Variants in CASQ2 observed in about 807,000 individuals in gnomAD.
CASQ2 encodes the protein calsequestrin-2.
In CASQ2, 49 loss-of-function variants were observed where a neutral mutation model predicts 46.5. The ratio of observed to expected loss-of-function variants is 1.05; its 90% CI spans 0.84 to 1.34. CASQ2 has a LOEUF of 1.34. CASQ2 is among the 40% of genes most tolerant of loss of function. The pLI is 0.00. For synonymous variants in CASQ2, 174 were observed against 168.5 expected, an observed-to-expected ratio of 1.03 and a Z score of -0.25; for missense variants, 486 against 481.3, an observed-to-expected ratio of 1.01 and a Z score of -0.09.
rs200083616 is a variant in CASQ2 at position 115,729,338 on chromosome 1, C to A, written c.607-2216G>T. 2.6e-5 allele frequency among the ~76,000 whole-genome samples: 4 copies of A among 152,116 alleles called. No individual in the cohort carries two copies. The East Asian group carries it at 5.8e-4, about 22-fold the overall frequency. ...AAAGTGCTGGGATTACAGGCGTGAG[C>A]CACTGCGCCCGACCCCCTCTTTCAT... On this transcript the variant is annotated intron_variant, in intron 5 of 10. Coordinates refer to ENST00000261448, the MANE Select transcript of CASQ2 (RefSeq NM_001232.4).
At chr1:115,761,405 G>T (rs190175707) in intron 1 of CASQ2, among the ~76,000 whole-genome samples, 12 of 4,942 alleles carry the variant, frequency 2.4e-3, no homozygotes, top group Non-Finnish European at 9.9e-4. Flanking sequence ...AAAAAAAAAA[G>T]AAGAAGAAGA....
intron 2 of CASQ2, among the ~76,000 whole-genome samples, chr1:115,742,086 C>T (rs997674466): frequency 2.0e-5 from 3 of 152,078 alleles, no homozygotes; most frequent in Non-Finnish European, 4.4e-5. Context: ...TTTCCTTTGT[C>T]ACCCAGGCTG....
intron 1 of CASQ2, among the ~76,000 whole-genome samples, chr1:115,752,221 T>C (rs1045078871): frequency 2.0e-5 from 3 of 152,206 alleles, no homozygotes; most frequent in Admixed American, 6.5e-5. Flanking sequence ...AATTTTTCCC[T>C]TTTTACCCTT....
At chr1:115,748,888 A>G (rs1648479008) in intron 1 of CASQ2, among the ~76,000 whole-genome samples, 1 of 152,096 alleles carries the variant, frequency 6.6e-6, no homozygotes, top group African/African-American at 2.4e-5. Context: ...TGGTTCTTAA[A>G]CTTCAGTGTG....
chr1:115,723,299 A>C (rs1173077016), intron 7 of CASQ2, among the ~76,000 whole-genome samples: 2 of 135,606 alleles, frequency 1.5e-5, no homozygotes, highest in Admixed American at 1.5e-4. Context: ...CTCTATATCT[A>C]TCTATTTATC....
intron 7 of CASQ2, among the ~76,000 whole-genome samples, chr1:115,720,517 A>C (rs1159111083): frequency 6.6e-6 from 1 of 152,110 alleles, no homozygotes; most frequent in Non-Finnish European, 1.5e-5. Flanking sequence ...CTTTCTCACC[A>C]CCACCAGCAG....
intron 3 of CASQ2, among the ~76,000 whole-genome samples, chr1:115,739,374 C>A (rs1376141020): frequency 6.6e-6 from 1 of 152,018 alleles, no homozygotes; most frequent in Non-Finnish European, 1.5e-5. Context: ...CTTGGCCTCC[C>A]AAAGTGCTGG....
intron 4 of CASQ2, among the ~76,000 whole-genome samples, chr1:115,735,714 T>A (rs1465813310): frequency 6.6e-6 from 1 of 152,176 alleles, no homozygotes; most frequent in African/African-American, 2.4e-5. Context: ...TCCTTTCAAA[T>A]TCATTCAAAT....
intron 7 of CASQ2, among the ~76,000 whole-genome samples, 178 bp downstream of exon 7, chr1:115,725,330 G>T (rs1355434881): frequency 1.3e-5 from 2 of 152,060 alleles, no homozygotes; most frequent in Non-Finnish European, 2.9e-5. Context: ...GCCTCCCAGA[G>T]TGCTGGGATT....
intron 1 of CASQ2, among the ~76,000 whole-genome samples, chr1:115,761,721 G>A (rs536720757): frequency 6.6e-6 from 1 of 151,998 alleles, no homozygotes; most frequent in East Asian, 2.0e-4. Flanking sequence ...GAAGCATCAA[G>A]AGATCCACTA....
rs6667224 is a variant in CASQ2, at chr1:115,703,188, C to T, written c.940-193G>A. ...AATAAGCATTAAATAAAAGATGACA[C>T]AGCATAAATTATGGAAACATGTGTC... On this transcript the variant is annotated intron_variant, in intron 9 of 10. Transcript: ENST00000261448. 0.57 allele frequency among the ~76,000 whole-genome samples: 86,910 copies of T among 152,066 alleles called. 25,264 individuals carry two copies. The highest frequency in any genetic ancestry group is 0.67 in the East Asian group (3,469 of 5,158).
intron 1 of CASQ2, among the ~76,000 whole-genome samples, chr1:115,764,816 A>G (rs1001079195): frequency 1.3e-5 from 2 of 152,146 alleles, no homozygotes; most frequent in Non-Finnish European, 2.9e-5. Flanking sequence ...TATAGACCTT[A>G]TCTTCTCCAC....
intron 1 of CASQ2, among the ~76,000 whole-genome samples, chr1:115,761,134 C>T (rs924756391): frequency 1.3e-5 from 2 of 151,528 alleles, no homozygotes; most frequent in Admixed American, 1.3e-4. Context: ...TTCAGGTGCT[C>T]GGCTCTCAGT....
At chr1:115,702,339 A>G (rs943976152) in intron 10 of CASQ2, among the ~76,000 whole-genome samples, 1 of 152,036 alleles carries the variant, frequency 6.6e-6, no homozygotes, top group Non-Finnish European at 1.5e-5. Flanking sequence ...GAGTTTTATG[A>G]TGGTGGAGTT....
intron 1 of CASQ2, among the ~76,000 whole-genome samples, chr1:115,761,488 G>GAAGAAGAAGAAGAAGAAGAAGAAGA (rs1557806828): frequency 3.0e-4 from 4 of 13,128 alleles, no homozygotes; most frequent in Admixed American, 7.5e-4. Flanking sequence ...GAAGAAGAAG[G>GAAGAAGAAGAAGAAGAAGAAGAAGA]AGAAGAAGGA....
Position 115,764,141 on chromosome 1 carries a change from A to G in CASQ2, c.234+4167T>C, listed in dbSNP as rs188921602. On this transcript the variant is annotated intron_variant, in intron 1 of 10. Coordinates refer to ENST00000261448, the MANE Select transcript of CASQ2 (RefSeq NM_001232.4). ...AAATGGCAAAAGAATTTTATAGAAA[A>G]CTTTAGCCAGAAATCAAAGAAATGT... 2.0e-5 allele frequency among the ~76,000 whole-genome samples: 3 copies of G among 152,316 alleles called. No individual in the cohort carries two copies. The East Asian group carries it at 5.8e-4, about 29-fold the overall frequency.
chr1:115,714,997 A>C (rs1339779167), intron 8 of CASQ2, among the ~76,000 whole-genome samples: 2 of 152,220 alleles, frequency 1.3e-5, no homozygotes, highest in African/African-American at 2.4e-5. Context: ...AACTTCAGGG[A>C]GGCCTCTTTG....
chr1:115,754,195 G>A (rs970771687), intron 1 of CASQ2, among the ~76,000 whole-genome samples: 1 of 152,208 alleles, frequency 6.6e-6, no homozygotes, highest in African/African-American at 2.4e-5. Flanking sequence ...GGCATGTGAT[G>A]TGTTCACGAA....
intron 9 of CASQ2, among the ~76,000 whole-genome samples, chr1:115,704,983 T>C (rs1654314040): frequency 6.6e-6 from 1 of 152,222 alleles, no homozygotes; most frequent in Non-Finnish European, 1.5e-5. Context: ...TTTCAACTCC[T>C]GGACTCCAGG....
Sources: gnomAD v4.1 joint callset for allele counts (sites outside exome capture counted in the v4.1 genomes callset) on GRCh38, gnomAD v4.1.1 for gene constraint, MANE v1.5 for transcripts, NCBI Gene and HGNC (gene_info 2026-07-23, HGNC 2026-07-21) for gene names.